ZNF420: variants seen among roughly 807,000 people sequenced by gnomAD.
ZNF420 encodes ATM and p53-associated KZNF protein.
ZNF420 carries 31 observed loss-of-function variants against 44.7 expected under a neutral mutation model. That is an observed-to-expected ratio of 0.69 (90% CI 0.52 to 0.94). The LOEUF (loss-of-function observed/expected upper bound fraction) is 0.94, where lower values mean the gene tolerates loss of function less well. Ranked by LOEUF, ZNF420 falls within the 40% of genes least tolerant of loss-of-function variation. ZNF420 has a pLI of 0.00. For missense variants in ZNF420, 681 were observed against 827.9 expected (o/e 0.82, Z 2.18); for synonymous variants, 245 against 267.4 (o/e 0.92, Z 0.82).
chr19:37,036,863 T>G (rs372781844), intron 1 of ZNF420, among the ~76,000 whole-genome samples: 184 of 152,362 alleles, frequency 1.2e-3, no homozygotes, highest in African/African-American at 4.3e-3. Flanking sequence ...TAGCTAAATA[T>G]GTTCTATTCA....
chr19:37,062,475 C>A (rs1302531734), intron 1 of ZNF420, among the ~76,000 whole-genome samples: 2 of 152,130 alleles, frequency 1.3e-5, no homozygotes, highest in Non-Finnish European at 2.9e-5. Flanking sequence ...TTATGAAAGA[C>A]AGTGCAAACT....
intron 1 of ZNF420, among the ~76,000 whole-genome samples, chr19:37,037,838 G>C (rs1333983426): frequency 1.3e-5 from 2 of 152,212 alleles, no homozygotes; most frequent in Non-Finnish European, 2.9e-5. Context: ...AAAATGTCGT[G>C]TGACTAGCTC....
chr19:37,115,880 G>A (rs996575942), intron 4 of ZNF420, among the ~76,000 whole-genome samples: 4 of 152,104 alleles, frequency 2.6e-5, no homozygotes, highest in Non-Finnish European at 5.9e-5. Flanking sequence ...ACAGTGTATT[G>A]TGTCCCTGGG....
chr19:37,084,654 C>G (rs1968658415), intron 2 of ZNF420, among the ~76,000 whole-genome samples: 2 of 151,916 alleles, frequency 1.3e-5, no homozygotes, highest in African/African-American at 4.8e-5. Flanking sequence ...GCCATCTGGG[C>G]CTTCTCTGTG....
intron 4 of ZNF420, among the ~76,000 whole-genome samples, chr19:37,094,478 G>A (rs184916264): frequency 6.6e-6 from 1 of 151,900 alleles, no homozygotes; most frequent in Non-Finnish European, 1.5e-5. Context: ...TTTATTGATT[G>A]TAATTGTGTC....
intron 4 of ZNF420, among the ~76,000 whole-genome samples, chr19:37,121,598 T>C (rs1179507805): frequency 6.6e-6 from 1 of 152,128 alleles, no homozygotes; most frequent in Non-Finnish European, 1.5e-5. Flanking sequence ...CCAAAAGCAA[T>C]GGCAACAAAA....
At chr19:37,063,033 A>G (rs1300544247) in intron 1 of ZNF420, among the ~76,000 whole-genome samples, 1 of 152,236 alleles carries the variant, frequency 6.6e-6, no homozygotes, top group African/African-American at 2.4e-5. Context: ...TTATTTCTAA[A>G]TTAAAAGTAT....
intron 1 of ZNF420, chr19:37,025,247 A>G (rs2562597): frequency 0.014 from 4,287 of 309,606 alleles, 194 homozygotes; most frequent in African/African-American, 0.085. Context: ...TCTCTTGTTC[A>G]TTGAACATGT....
At chr19:37,012,154 T>A (rs1393454302) in intron 1 of ZNF420, among the ~76,000 whole-genome samples, 1 of 151,870 alleles carries the variant, frequency 6.6e-6, no homozygotes, top group African/African-American at 2.4e-5. Flanking sequence ...CACAAGGAGG[T>A]CTTGAGGACA....
intron 1 of ZNF420, among the ~76,000 whole-genome samples, chr19:37,010,222 C>T (rs114582535): frequency 0.017 from 2,658 of 152,260 alleles, 40 homozygotes; most frequent in Middle Eastern, 0.055. Context: ...TCCATGGGGT[C>T]GAAAGGACGG....
intron 4 of ZNF420, among the ~76,000 whole-genome samples, chr19:37,097,856 C>T (rs1393784089): frequency 6.6e-6 from 1 of 152,058 alleles, no homozygotes; most frequent in Non-Finnish European, 1.5e-5. Flanking sequence ...CTTCGTTTTC[C>T]TAAGGTCATT....
At chr19:37,122,881 C>T (rs528579580) in intron 4 of ZNF420, among the ~76,000 whole-genome samples, 24 of 152,218 alleles carry the variant, frequency 1.6e-4, no homozygotes, top group African/African-American at 4.3e-4. Flanking sequence ...ATTTGTAATC[C>T]AGATACCTCC....
intron 1 of ZNF420, among the ~76,000 whole-genome samples, chr19:37,029,793 C>A (rs1359302951): frequency 2.0e-5 from 3 of 152,080 alleles, no homozygotes; most frequent in South Asian, 2.1e-4. Context: ...CCGGCATGAG[C>A]CACGCGCCTG....
chr19:37,129,040 C>G lies in ZNF420; in HGVS notation c.2049C>G (p.Gly683=). 1 of 1,610,836 alleles carries G rather than the reference C, an allele frequency of 6.2e-7. No homozygotes were observed. Among genetic ancestry groups the G allele is most frequent in the Non-Finnish European group, 8.5e-7 (1 of 1,177,450 alleles). The change falls in exon 5 of 5, where the codon GGC becomes GGG. Residue 683 remains glycine (G), a synonymous_variant. Transcript: ENST00000337995. The part of the protein sequence containing the change: ...YKECGIDFSH[G]SQVYM ...AATGTGGGATTGACTTTAGTCATGG[C>G]TCACAAGTTTACATGTGAATTGTCT... is the stretch of plus-strand genomic sequence containing the variant.
Position 37,011,953 on chromosome 19 carries a change from A to G in ZNF420, c.-125+3871A>G, listed in dbSNP as rs2074572653. On this transcript the variant is annotated intron_variant, in intron 1 of 4. Coordinates refer to the ZNF420 transcript ENST00000587029. ...CAGGGGCGAGGGAGGCAGAGGGCTCATGTGTCAGTGAATTTTCAGCCGACA... is the reference window on the plus strand; with the variant it reads ...CAGGGGCGAGGGAGGCAGAGGGCTCGTGTGTCAGTGAATTTTCAGCCGACA... 2.0e-5 allele frequency among the ~76,000 whole-genome samples: 3 copies of G among 152,188 alleles called. No individual in the cohort carries two copies. In the South Asian group the frequency reaches 6.2e-4, roughly 32 times the overall value.
intron 4 of ZNF420, among the ~76,000 whole-genome samples, chr19:37,097,352 T>A (rs1286841510): frequency 6.6e-6 from 1 of 152,124 alleles, no homozygotes; most frequent in Non-Finnish European, 1.5e-5. Flanking sequence ...GGAAATATAG[T>A]TTTTCAGTGG....
intron 1 of ZNF420, among the ~76,000 whole-genome samples, chr19:37,062,618 A>C (rs1008610591): frequency 1.3e-5 from 2 of 152,016 alleles, no homozygotes; most frequent in Admixed American, 6.5e-5. Context: ...CTCCTTAATC[A>C]CTTATGTTTT....
rs781517993 is a variant in ZNF420 at position 37,089,126 on chromosome 19, G to C, written c.8G>C (p.Arg3Pro). The C allele has an allele frequency of 2.7e-5, 43 of 1,612,964 alleles. No homozygotes were observed. The highest frequency in any genetic ancestry group is 3.6e-5 in the Non-Finnish European group (42 of 1,179,162). MA[R>P]KLVMFRDVAI... The stretch of plus-strand genomic sequence containing the variant: ...CTTGCAGCTCTAAAAACCATGGCTC[G>C]GGTAAATTGGAGTTTCCTTGTGCTC... The change falls in exon 3 of 5, where the codon CGG (arginine) becomes CCG (proline). Residue 3 changes from arginine to proline, a missense_variant and splice_region_variant. Physicochemically the swap from Arg to Pro is moderately radical, Grantham distance 103. Transcript: ENST00000337995.
At chr19:37,041,226 G>A (rs1017421999) in intron 1 of ZNF420, among the ~76,000 whole-genome samples, 5 of 150,908 alleles carry the variant, frequency 3.3e-5, no homozygotes, top group East Asian at 1.9e-4. Context: ...CAGGAGAATC[G>A]CTTGAATCCA....
Sources: allele counts gnomAD v4.1 joint callset (sites outside exome capture counted in the v4.1 genomes callset), GRCh38; gene constraint gnomAD v4.1.1; transcripts MANE v1.5; gene names NCBI Gene and HGNC (gene_info 2026-07-23, HGNC 2026-07-21).